The following AMBRA1 variants were observed in gnomAD, a reference collection of about 807,000 sequenced individuals.
AMBRA1 encodes the protein autophagy and beclin 1 regulator 1.
A neutral mutation model predicts 125.4 loss-of-function variants in AMBRA1; 47 were observed. That is an observed-to-expected ratio of 0.37 (90% CI 0.30 to 0.48). The LOEUF is 0.48. Ranked by LOEUF, AMBRA1 falls within the 20% of genes least tolerant of loss-of-function variation. The pLI, the probability that AMBRA1 is intolerant of heterozygous loss-of-function variation, is 0.99. For synonymous variants in AMBRA1, 626 were observed against 655.5 expected (o/e 0.95, Z 0.69); for missense variants, 1,331 against 1,693.4 (o/e 0.79, Z 3.76).
At chr11:46,514,915 G>A (rs953153648) in intron 7 of AMBRA1, among the ~76,000 whole-genome samples, 6 of 152,206 alleles carry the variant, frequency 3.9e-5, no homozygotes, top group African/African-American at 1.4e-4. Flanking sequence ...TCAAAATTTT[G>A]AGAAGAGTAT....
chr11:46,466,546 G>C (rs1035671173), intron 11 of AMBRA1, among the ~76,000 whole-genome samples: 1 of 152,128 alleles, frequency 6.6e-6, no homozygotes, highest in Non-Finnish European at 1.5e-5. Context: ...AGTGGATTCA[G>C]GGGTCAAGAG....
chr11:46,568,460 A>C (rs988661052), intron 1 of AMBRA1, among the ~76,000 whole-genome samples: 3 of 150,550 alleles, frequency 2.0e-5, no homozygotes, highest in Non-Finnish European at 4.5e-5. Context: ...CTCAAAAACA[A>C]AAAACAAAAA....
intron 7 of AMBRA1, among the ~76,000 whole-genome samples, chr11:46,513,257 C>T (rs954835901): frequency 1.1e-4 from 16 of 148,678 alleles, no homozygotes; most frequent in Admixed American, 6.0e-4. Context: ...GCTCTGCCTA[C>T]GCTCTTTTTT....
intron 9 of AMBRA1, among the ~76,000 whole-genome samples, chr11:46,506,709 T>C (rs1200998268): frequency 6.6e-6 from 1 of 152,190 alleles, no homozygotes; most frequent in African/African-American, 2.4e-5. Flanking sequence ...CTCTCTCTCT[T>C]GCTTTTATGT....
Position 46,435,803 on chromosome 11 carries a change from G to A in AMBRA1, c.2633-766C>T, listed in dbSNP as rs184422129. ...AAGGTGGCAAGATCTGAGGGTGGAG[G>A]AATGTCTGTTGGTGAGGAGCATCCA... is the stretch of plus-strand genomic sequence containing the variant. On this transcript the variant is annotated intron_variant, in intron 12 of 17. Transcript: ENST00000683756. Among the ~76,000 whole-genome samples the A allele has an allele frequency of 1.3e-3, 202 of 152,360 alleles. 4 individuals are homozygous for A. Among genetic ancestry groups the A allele is most frequent in the Non-Finnish European group, 7.5e-4 (51 of 68,036 alleles).
intron 11 of AMBRA1, among the ~76,000 whole-genome samples, chr11:46,456,604 A>C (rs949108136): frequency 2.0e-5 from 3 of 152,232 alleles, no homozygotes; most frequent in Non-Finnish European, 4.4e-5. Context: ...GGCTCTCACC[A>C]ATCACTTGTC....
At chr11:46,512,836 C>A in intron 7 of AMBRA1, 23 bp from the exon 8 acceptor site, 1 of 1,595,224 alleles carries the variant, frequency 6.3e-7, no homozygotes, top group Non-Finnish European at 8.6e-7. Flanking sequence ...AAAAAAATGG[C>A]AATAATCCCT....
chr11:46,590,837 C>A (rs771689468), intron 1 of AMBRA1, among the ~76,000 whole-genome samples: 1 of 150,516 alleles, frequency 6.6e-6, no homozygotes, highest in Non-Finnish European at 1.5e-5. Flanking sequence ...TGCTTCAATC[C>A]GGGAAGTGGA....
intron 7 of AMBRA1, among the ~76,000 whole-genome samples, chr11:46,514,241 G>A (rs1035666182): frequency 1.3e-5 from 2 of 152,072 alleles, no homozygotes; most frequent in Non-Finnish European, 2.9e-5. Context: ...AGTCCTGTGC[G>A]GTCACTTTAT....
At chr11:46,438,534 C>T (rs187717410) in intron 12 of AMBRA1, among the ~76,000 whole-genome samples, 3 of 152,302 alleles carry the variant, frequency 2.0e-5, no homozygotes, top group Non-Finnish European at 4.4e-5. Context: ...CATTAGATAC[C>T]GATTTGGAAA....
chr11:46,520,633 T>C (rs2135090997), intron 7 of AMBRA1, among the ~76,000 whole-genome samples: 2 of 151,408 alleles, frequency 1.3e-5, no homozygotes, highest in African/African-American at 4.8e-5. Context: ...TCTCGCTCTG[T>C]CACCAAGGCT....
intron 14 of AMBRA1, among the ~76,000 whole-genome samples, chr11:46,428,223 G>C (rs916472419): frequency 6.6e-6 from 1 of 151,826 alleles, no homozygotes; most frequent in African/African-American, 2.4e-5. Context: ...GAGAGAGATG[G>C]ATACTTTCTT....
intron 15 of AMBRA1, among the ~76,000 whole-genome samples, chr11:46,412,112 C>T (rs1161211357): frequency 6.6e-6 from 1 of 152,168 alleles, no homozygotes; most frequent in Non-Finnish European, 1.5e-5. Context: ...CAAAGGCCAC[C>T]TCTTTAAAAA....
intron 1 of AMBRA1, among the ~76,000 whole-genome samples, chr11:46,577,232 T>C (rs921583953): frequency 1.3e-5 from 2 of 152,160 alleles, no homozygotes; most frequent in South Asian, 2.1e-4. Context: ...GATGAATGGA[T>C]AAACAAATGT....
At position 46,397,171 on chromosome 11, in the gene AMBRA1, T is replaced by C. The variant is rs1332547911; in HGVS notation, c.*279A>G. On this transcript the variant is annotated 3_prime_UTR_variant, in exon 18 of 18. Coordinates refer to ENST00000683756, the MANE Select transcript of AMBRA1 (RefSeq NM_001387011.1). ...CCCATGTTACTAGGAGAAAGTGGGG[T>C]GCCTGGCAGAGATACCCACTTGTTC... 10 of 325,600 alleles carry C rather than the reference T, an allele frequency of 3.1e-5. No individual in the cohort carries two copies. The East Asian group carries it at 4.9e-4, about 16-fold the overall frequency. The allele number at this position is 325,600 out of a possible 1,614,324, so 20.2% of individuals were successfully genotyped here.
chr11:46,513,746 C>T (rs1384141559), intron 7 of AMBRA1, among the ~76,000 whole-genome samples: 1 of 152,152 alleles, frequency 6.6e-6, no homozygotes, highest in African/African-American at 2.4e-5. Context: ...AGGTCTGTGG[C>T]CCATCATTTA....
chr11:46,494,743 A>G (rs2134981225), intron 9 of AMBRA1: 1 of 153,470 alleles, frequency 6.5e-6, no homozygotes, highest in East Asian at 1.9e-4. Context: ...TGCACAAGAA[A>G]AAGACAGTAC....
intron 1 of AMBRA1, among the ~76,000 whole-genome samples, chr11:46,566,485 A>G (rs1228031245): frequency 9.2e-5 from 14 of 152,160 alleles, no homozygotes; most frequent in Non-Finnish European, 1.5e-4. Flanking sequence ...AATTATGCTG[A>G]GTGAAAAAGG....
chr11:46,399,197 C>T (rs1362970751), intron 17 of AMBRA1, among the ~76,000 whole-genome samples: 2 of 152,078 alleles, frequency 1.3e-5, no homozygotes, highest in African/African-American at 4.8e-5. Flanking sequence ...GCCTCAGCCT[C>T]CGAGTAGCTG....
Sources: gnomAD v4.1 joint callset for allele counts (sites outside exome capture counted in the v4.1 genomes callset) on GRCh38, gnomAD v4.1.1 for gene constraint, MANE v1.5 for transcripts, NCBI Gene and HGNC (gene_info 2026-07-23, HGNC 2026-07-21) for gene names.